Variants in MGAT4C observed in about 807,000 individuals in gnomAD.
MGAT4C encodes alpha-1,3-mannosyl-glycoprotein 4-beta-N-acetylglucosaminyltransferase C.
In MGAT4C, 19 loss-of-function variants were observed where a neutral mutation model predicts 40.1. That is an observed-to-expected ratio of 0.47 (90% CI 0.33 to 0.70). The LOEUF is 0.70. Ranked by LOEUF, MGAT4C falls within the 30% of genes least tolerant of loss-of-function variation. The pLI is 0.02. For synonymous variants in MGAT4C, 181 were observed against 187.1 expected (o/e 0.97, Z 0.27); for missense variants, 491 against 563.2 (o/e 0.87, Z 1.30).
At chr12:86,791,389 GA>G (rs1166561839) in intron 1 of MGAT4C, among the ~76,000 whole-genome samples, 2 of 148,332 alleles carry the variant, frequency 1.3e-5, no homozygotes, top group African/African-American at 2.5e-5. Flanking sequence ...TTACACGGAA[GA>G]AAAAAAATTT....
chr12:86,774,319 C>CTTTCTTTCTTTTTCT (rs1555227780), intron 1 of MGAT4C, among the ~76,000 whole-genome samples: 1 of 93,620 alleles, frequency 1.1e-5, no homozygotes, highest in Non-Finnish European at 2.2e-5. Flanking sequence ...TTCTTTCTTT[C>CTTTCTTTCTTTTTCT]TTTCTTTCTT....
At chr12:86,481,092 G>T (rs770153127) in intron 2 of MGAT4C, among the ~76,000 whole-genome samples, 1 of 151,754 alleles carries the variant, frequency 6.6e-6, no homozygotes, top group Non-Finnish European at 1.5e-5. Context: ...AGACAATGAG[G>T]GATATCTAAA....
chr12:86,380,611 A>G (rs1252942636), intron 3 of MGAT4C, among the ~76,000 whole-genome samples: 4 of 152,184 alleles, frequency 2.6e-5, no homozygotes, highest in African/African-American at 9.6e-5. Flanking sequence ...ATTAGATCAA[A>G]ATTCAACATT....
chr12:86,556,689 T>C (rs1478352179), intron 2 of MGAT4C, among the ~76,000 whole-genome samples: 1 of 152,204 alleles, frequency 6.6e-6, no homozygotes, highest in Admixed American at 6.5e-5. Context: ...GGGTTTTAGT[T>C]TGTCATAATT....
intron 2 of MGAT4C, among the ~76,000 whole-genome samples, chr12:86,590,113 C>A (rs1451001783): frequency 6.6e-6 from 1 of 151,638 alleles, no homozygotes; most frequent in Non-Finnish European, 1.5e-5. Flanking sequence ...CAAAACAAAA[C>A]AAAACAAAAC....
Position 86,701,648 on chromosome 12 carries a change from A to G in MGAT4C, c.-229+25561T>C, listed in dbSNP as rs547835487. Among the ~76,000 whole-genome samples the G allele has an allele frequency of 2.0e-5, 3 of 152,288 alleles. No individual in the cohort carries two copies. In the East Asian group the frequency reaches 5.8e-4, roughly 29 times the overall value. On this transcript the variant is annotated intron_variant, in intron 2 of 7. Transcript: ENST00000548651. Reference sequence around the variant, plus strand: ...ATCTCTAAGGGTTGAAGTAAAAGAAAGATTTTCACATTTCTCACTTTAAGT... The same window carrying G: ...ATCTCTAAGGGTTGAAGTAAAAGAAGGATTTTCACATTTCTCACTTTAAGT...
At chr12:86,613,297 G>T (rs893340142) in intron 2 of MGAT4C, among the ~76,000 whole-genome samples, 1 of 151,916 alleles carries the variant, frequency 6.6e-6, no homozygotes, top group African/African-American at 2.4e-5. Context: ...CTCTATATAG[G>T]TTCTCTCAAC....
At chr12:86,342,270 T>C (rs1199479640) in intron 3 of MGAT4C, among the ~76,000 whole-genome samples, 1 of 152,070 alleles carries the variant, frequency 6.6e-6, no homozygotes, top group Non-Finnish European at 1.5e-5. Context: ...AGTAGCCCTA[T>C]GGAAAAGTAG....
intron 1 of MGAT4C, among the ~76,000 whole-genome samples, chr12:86,824,736 CAAAAAAA>C (rs35714537): frequency 8.3e-5 from 5 of 60,312 alleles, no homozygotes; most frequent in Admixed American, 3.4e-4. Flanking sequence ...ACAGCCAGGC[CAAAAAAA>C]AAAAAAAAAA....
intron 3 of MGAT4C, among the ~76,000 whole-genome samples, chr12:86,349,805 A>C (rs1955120145): frequency 6.6e-6 from 1 of 152,050 alleles, no homozygotes; most frequent in Admixed American, 6.6e-5. Flanking sequence ...ACTGTGACAA[A>C]TCTCATTTGT....
At chr12:86,163,337 G>A (rs763254509) in intron 1 of MGAT4C, among the ~76,000 whole-genome samples, 4 of 151,720 alleles carry the variant, frequency 2.6e-5, no homozygotes, top group Middle Eastern at 3.4e-3. Context: ...GACCACAGGC[G>A]CACACCACCA....
rs112038691 is a variant in MGAT4C, at chr12:86,113,998, C to T, written c.-56-64275G>A. ...CCAAAGCATGCTGTCACCTCTAAAA[C>T]CTTTTAGTGGGTTGATAAGATTGTG... On this transcript the variant is annotated intron_variant, in intron 1 of 4. Coordinates refer to ENST00000611864, the MANE Select transcript of MGAT4C (RefSeq NM_001351288.2). 4.2e-3 allele frequency among the ~76,000 whole-genome samples: 634 copies of T among 151,852 alleles called. 8 individuals are homozygous for T. The highest frequency in any genetic ancestry group is 0.015 in the African/African-American group (608 of 41,496).
chr12:86,335,679 T>C (rs943738048), intron 3 of MGAT4C, among the ~76,000 whole-genome samples: 1 of 152,128 alleles, frequency 6.6e-6, no homozygotes, highest in African/African-American at 2.4e-5. Context: ...ATTATACTGT[T>C]ATTTAAAGCC....
chr12:86,508,302 T>C (rs1030744522), intron 2 of MGAT4C, among the ~76,000 whole-genome samples: 2 of 151,906 alleles, frequency 1.3e-5, no homozygotes, highest in African/African-American at 2.4e-5. Context: ...AGTGAGAACA[T>C]GCGGTGTTTG....
intron 2 of MGAT4C, among the ~76,000 whole-genome samples, chr12:86,012,525 G>A (rs1183268497): frequency 6.6e-6 from 1 of 151,932 alleles, no homozygotes; most frequent in African/African-American, 2.4e-5. Flanking sequence ...TGGATTACCT[G>A]AGGTCAGGAG....
At chr12:86,436,824 G>A (rs1957146714) in intron 2 of MGAT4C, among the ~76,000 whole-genome samples, 1 of 151,592 alleles carries the variant, frequency 6.6e-6, no homozygotes, top group Non-Finnish European at 1.5e-5. Context: ...CTTTTCCTAT[G>A]CCTAATTATT....
At chr12:86,167,397 A>G (rs565285843) in intron 1 of MGAT4C, among the ~76,000 whole-genome samples, 132 of 152,226 alleles carry the variant, frequency 8.7e-4, no homozygotes, top group Non-Finnish European at 1.4e-3. Flanking sequence ...TAGGCAACAC[A>G]ATGAAACCTC....
At chr12:86,177,372 T>C (rs573530042) in intron 1 of MGAT4C, among the ~76,000 whole-genome samples, 1 of 152,284 alleles carries the variant, frequency 6.6e-6, no homozygotes, top group African/African-American at 2.4e-5. Context: ...CCATAAGTGA[T>C]GTAGAAAACA....
At chr12:86,735,679 G>T (rs767246714) in intron 1 of MGAT4C, among the ~76,000 whole-genome samples, 4 of 151,822 alleles carry the variant, frequency 2.6e-5, no homozygotes, top group Non-Finnish European at 4.4e-5. Context: ...ATACTGTGAA[G>T]AAGTTATTTT....
Sources: gnomAD v4.1 joint callset for allele counts (sites outside exome capture counted in the v4.1 genomes callset) on GRCh38, gnomAD v4.1.1 for gene constraint, MANE v1.5 for transcripts, NCBI Gene and HGNC (gene_info 2026-07-23, HGNC 2026-07-21) for gene names.